LIMD1: variants seen among roughly 807,000 people sequenced by gnomAD.
LIMD1 encodes the protein LIM domain containing 1.
In LIMD1, 23 loss-of-function variants were observed where a neutral mutation model predicts 58.4. The ratio of observed to expected loss-of-function variants is 0.39; its 90% CI spans 0.28 to 0.56. The LOEUF (loss-of-function observed/expected upper bound fraction) is 0.56, where lower values mean the gene tolerates loss of function less well. Ranked by LOEUF, LIMD1 falls within the 20% of genes least tolerant of loss-of-function variation. The probability of loss-of-function intolerance (pLI) is 0.57; values close to 1 mark genes in which losing one functional copy is unlikely to be tolerated. For missense variants in LIMD1, 838 were observed against 855.5 expected (o/e 0.98, Z 0.25); for synonymous variants, 334 against 345.5 (o/e 0.97, Z 0.37).
chr3:45,603,642 A>G (rs1266440479), intron 1 of LIMD1, among the ~76,000 whole-genome samples: 1 of 152,186 alleles, frequency 6.6e-6, no homozygotes, highest in Admixed American at 6.5e-5. Context: ...GGGATGCCCA[A>G]TCCTTTAGAC....
At chr3:45,618,145 T>A (rs529113345) in intron 1 of LIMD1, among the ~76,000 whole-genome samples, 1 of 152,280 alleles carries the variant, frequency 6.6e-6, no homozygotes, top group South Asian at 2.1e-4. Context: ...AGCCGCCTGC[T>A]GGAGTTTGTG....
At chr3:45,614,037 C>G (rs1701553799) in intron 1 of LIMD1, among the ~76,000 whole-genome samples, 6 of 152,096 alleles carry the variant, frequency 3.9e-5, no homozygotes, top group Admixed American at 3.3e-4. Context: ...GCCACCTGTT[C>G]TCTGAGCTGG....
intron 1 of LIMD1, among the ~76,000 whole-genome samples, chr3:45,631,720 T>G (rs956542158): frequency 2.0e-5 from 3 of 152,072 alleles, no homozygotes; most frequent in Non-Finnish European, 4.4e-5. Flanking sequence ...CGTTGAGAGA[T>G]AAAGTGGCAG....
chr3:45,673,409 T>C, intron 5 of LIMD1, 45 bp from the exon 6 acceptor site: 2 of 1,551,970 alleles, frequency 1.3e-6, no homozygotes, highest in Non-Finnish European at 1.8e-6. Flanking sequence ...CTCTGGAATT[T>C]GCTCCCAGAA....
chr3:45,645,325 G>A (rs1701889681), intron 2 of LIMD1, among the ~76,000 whole-genome samples: 1 of 152,246 alleles, frequency 6.6e-6, no homozygotes, highest in South Asian at 2.1e-4. Flanking sequence ...GTCCCTGACA[G>A]GGAAGACCAT....
intron 1 of LIMD1, among the ~76,000 whole-genome samples, chr3:45,621,043 C>T (rs779713880): frequency 3.9e-5 from 6 of 152,270 alleles, no homozygotes; most frequent in Admixed American, 6.5e-5. Flanking sequence ...ATTAGGCAAA[C>T]CCCAGTTCGG....
chr3:45,674,432 C>G lies in LIMD1; in HGVS notation c.1893+21C>G, dbSNP rs757282926. 5 of 1,587,232 alleles carry G rather than the reference C, an allele frequency of 3.2e-6. No homozygotes were observed. In the South Asian group the frequency reaches 3.3e-5, roughly 11 times the overall value. The stretch of plus-strand genomic sequence containing the variant: ...GCGAGGTAGACCCCTCCCCACCCAG[C>G]CCCCAAAGCCCATTGTAGACATCCA... On this transcript the variant is annotated intron_variant, in intron 7 of 7. Transcript: ENST00000273317.
intron 1 of LIMD1, among the ~76,000 whole-genome samples, chr3:45,617,279 T>G (rs1392047684): frequency 6.6e-6 from 1 of 151,048 alleles, no homozygotes; most frequent in Non-Finnish European, 1.5e-5. Flanking sequence ...ACTCCTGACC[T>G]CAGGTGATCT....
chr3:45,609,843 T>C (rs1385093349), intron 1 of LIMD1, among the ~76,000 whole-genome samples: 1 of 152,214 alleles, frequency 6.6e-6, no homozygotes, highest in East Asian at 1.9e-4. Flanking sequence ...TTTTGTTCAC[T>C]GTTGTATCCC....
chr3:45,674,796 A>C (rs930050084), intron 7 of LIMD1, among the ~76,000 whole-genome samples: 1 of 152,066 alleles, frequency 6.6e-6, no homozygotes, highest in African/African-American at 2.4e-5. Flanking sequence ...TATCTGCCTG[A>C]AGCTCCTTTC....
At position 45,598,670 on chromosome 3, in the gene LIMD1, TAGAG is replaced by T. The variant is rs911586122; in HGVS notation, c.1408+2385_1408+2388del. On this transcript the variant is annotated intron_variant, in intron 1 of 7. Transcript: ENST00000273317. ...GCAAGTACTAGGGAGAGAATCAAGG[TAGAG>T]AAAGGGAATGGAGCCCTGGGGCTGG... 1.9e-3 allele frequency among the ~76,000 whole-genome samples: 296 copies of T among 151,842 alleles called. 1 individual carries two copies. The highest frequency in any genetic ancestry group is 7.1e-3 in the African/African-American group (293 of 41,308).
chr3:45,662,313 C>G (rs886839471), intron 2 of LIMD1, among the ~76,000 whole-genome samples: 1 of 150,950 alleles, frequency 6.6e-6, no homozygotes, highest in African/African-American at 2.4e-5. Context: ...GCGTGTAAAA[C>G]CTACTGGAAG....
In LIMD1 at chr3:45,680,426, C is replaced by T. The variant is rs1267208359; in HGVS notation, c.*3367C>T. ...CTACTGGGCTCAAGTGATCCTCCCA[C>T]CTCAGCCTCCCGAGTAGCCGGGACC... On this transcript the variant is annotated 3_prime_UTR_variant, in exon 8 of 8. Coordinates refer to ENST00000273317, the MANE Select transcript of LIMD1 (RefSeq NM_014240.3). 6.6e-6 allele frequency: 1 copy of T among 152,352 alleles called. No homozygotes were observed. The highest frequency in any genetic ancestry group is 2.4e-5 in the African/African-American group (1 of 41,426). 9.4% of individuals were successfully genotyped at this position (152,352 alleles called of 1,614,324 possible). A position where few individuals can be genotyped will look rare whatever the true frequency, so the allele number is the denominator to read the frequency against.
chr3:45,616,148 G>T (rs190542282), intron 1 of LIMD1, among the ~76,000 whole-genome samples: 2 of 151,896 alleles, frequency 1.3e-5, no homozygotes, highest in African/African-American at 2.4e-5. Context: ...TTTATTTTTC[G>T]CAGGAATGGC....
chr3:45,619,839 C>CAA (rs201367339), intron 1 of LIMD1, among the ~76,000 whole-genome samples: 1 of 101,884 alleles, frequency 9.8e-6, no homozygotes, highest in African/African-American at 4.6e-5. Context: ...CCCCCCCCCC[C>CAA]AAAAAAAGCA....
Position 45,614,769 on chromosome 3 carries a change from T to TG in LIMD1, c.1408+18482_1408+18483insG, listed in dbSNP as rs11417551. ...AAAATAAAAAATAAATTCCTGGGTG[T>TG]TTTTTTTTTTTTTTGCCGTTTTTTA... On this transcript the variant is annotated intron_variant, in intron 1 of 7. Transcript: ENST00000273317. 3.5e-3 allele frequency among the ~76,000 whole-genome samples: 9 copies of TG among 2,546 alleles called. No individual in the cohort carries two copies. In the Non-Finnish European group the frequency reaches 0.16, roughly 45 times the overall value. 1.7% of individuals were successfully genotyped at this position (2,546 alleles called of 152,430 possible).
At position 45,594,815 on chromosome 3, in the gene LIMD1, A is replaced by ACACACACAC. The variant is rs1553642023; in HGVS notation, c.-64_-56dup. 3.2e-5 allele frequency: 26 copies of ACACACACAC among 803,898 alleles called. No individual in the cohort carries two copies. In the African/African-American group the frequency reaches 4.2e-4, roughly 13 times the overall value. 49.8% of individuals were successfully genotyped at this position (803,898 alleles called of 1,614,324 possible). A position where few individuals can be genotyped will look rare whatever the true frequency, so the allele number is the denominator to read the frequency against. On this transcript the variant is annotated 5_prime_UTR_variant, in exon 1 of 8. Transcript: ENST00000273317. ...CACACACACACACACACACACACAC[A>ACACACACAC]CACACACACACACACACACACACAC... is the stretch of plus-strand genomic sequence containing the variant.
intron 2 of LIMD1, among the ~76,000 whole-genome samples, chr3:45,646,456 T>G (rs1701909028): frequency 6.6e-6 from 1 of 152,180 alleles, no homozygotes; most frequent in African/African-American, 2.4e-5. Flanking sequence ...CACTTGACCT[T>G]CATGTGGACT....
intron 1 of LIMD1, among the ~76,000 whole-genome samples, chr3:45,599,457 A>G (rs1575340375): frequency 6.6e-6 from 1 of 152,272 alleles, no homozygotes; most frequent in East Asian, 1.9e-4. Context: ...AACTTCACAG[A>G]TAAGCAAGCA....
Sources: gnomAD v4.1 joint callset for allele counts (sites outside exome capture counted in the v4.1 genomes callset) on GRCh38, gnomAD v4.1.1 for gene constraint, MANE v1.5 for transcripts, NCBI Gene and HGNC (gene_info 2026-07-23, HGNC 2026-07-21) for gene names.